PCDH15: variants seen among roughly 807,000 people sequenced by gnomAD.
The protein encoded by PCDH15 is protocadherin-15.
Under a neutral mutation model 178.5 loss-of-function variants are expected in PCDH15, and 129 were observed. The ratio of observed to expected loss-of-function variants is 0.72; its 90% CI spans 0.63 to 0.84. The LOEUF (loss-of-function observed/expected upper bound fraction) is 0.84, where lower values mean the gene tolerates loss of function less well. PCDH15 is among the 40% of genes least tolerant of loss of function. The probability of loss-of-function intolerance (pLI) is 0.00; values close to 1 mark genes in which losing one functional copy is unlikely to be tolerated. For synonymous variants in PCDH15, 800 were observed against 732.0 expected (o/e 1.09, Z -1.50); for missense variants, 2,230 against 2,099.9 (o/e 1.06, Z -1.21).
At chr10:55,191,736 C>T (rs1362794062) in intron 1 of PCDH15, among the ~76,000 whole-genome samples, 1 of 151,820 alleles carries the variant, frequency 6.6e-6, no homozygotes, top group Non-Finnish European at 1.5e-5. Flanking sequence ...CCAGCAAACC[C>T]AAGAAGTGAC....
intron 1 of PCDH15, among the ~76,000 whole-genome samples, chr10:55,315,717 A>G (rs1476879463): frequency 6.6e-6 from 1 of 152,136 alleles, no homozygotes. Flanking sequence ...CAAACTTTCT[A>G]TAGAAATACA....
At chr10:53,991,993 T>C (rs2091527191) in intron 21 of PCDH15, among the ~76,000 whole-genome samples, 2 of 152,114 alleles carry the variant, frequency 1.3e-5, no homozygotes, top group East Asian at 1.9e-4. Context: ...CGTTGTTCTT[T>C]TGCTCTTTGC....
At position 54,222,157 on chromosome 10, in the gene PCDH15, T is replaced by C. The variant is rs560316314; in HGVS notation, c.986-8109A>G. Reference sequence around the variant, plus strand: ...AATGAATCTATGCTTTCATTTATCTTGAGCAAATATCTAGGAGTGGAATGG... The same window carrying C: ...AATGAATCTATGCTTTCATTTATCTCGAGCAAATATCTAGGAGTGGAATGG... On this transcript the variant is annotated intron_variant, in intron 9 of 37. Transcript: ENST00000644397. Among the ~76,000 whole-genome samples the C allele has an allele frequency of 2.0e-5, 3 of 152,344 alleles. No homozygotes were observed. The East Asian group carries it at 5.8e-4, about 29-fold the overall frequency.
At chr10:55,327,194 G>A (rs1316001903) in intron 2 of PCDH15, among the ~76,000 whole-genome samples, 1 of 152,056 alleles carries the variant, frequency 6.6e-6, no homozygotes. Flanking sequence ...TCTGCCATGT[G>A]AGGATACATT....
chr10:54,492,203 G>T (rs1021803155), intron 3 of PCDH15, among the ~76,000 whole-genome samples: 1 of 152,126 alleles, frequency 6.6e-6, no homozygotes, highest in Non-Finnish European at 1.5e-5. Flanking sequence ...GAGGCAAGAC[G>T]TGTCAACCTG....
rs117498417 is a variant in PCDH15, at chr10:54,475,433, G to A, written c.157+52379C>T. Among the ~76,000 whole-genome samples the A allele has an allele frequency of 7.5e-3, 1,134 of 151,846 alleles. 6 individuals carry two copies. Among genetic ancestry groups the A allele is most frequent in the Non-Finnish European group, 0.012 (812 of 67,822 alleles). ...TTAATATCACTATTTATAAAATTCCGATTACAATTCTTACTTGCAAGATCC... is the reference window on the plus strand; with the variant it reads ...TTAATATCACTATTTATAAAATTCCAATTACAATTCTTACTTGCAAGATCC... On this transcript the variant is annotated intron_variant, in intron 3 of 37. Transcript: ENST00000644397.
At position 55,517,350 on chromosome 10, in the gene PCDH15, G is replaced by A. The variant is rs185272804; in HGVS notation, c.-156+110275C>T. ...GTCCTATTAGTTTTCAGTATTTTAG[G>A]ATCAAAAGGCACTTCTAATATATTT... is the stretch of plus-strand genomic sequence containing the variant. On this transcript the variant is annotated intron_variant, in intron 2 of 5. Transcript: ENST00000613346. Among the ~76,000 whole-genome samples the A allele has an allele frequency of 5.9e-4, 89 of 152,064 alleles. 1 individual carries two copies. The highest frequency in any genetic ancestry group is 1.9e-3 in the African/African-American group (79 of 41,506).
chr10:54,449,474 A>G (rs2076335374), intron 3 of PCDH15, among the ~76,000 whole-genome samples: 1 of 151,724 alleles, frequency 6.6e-6, no homozygotes, highest in Non-Finnish European at 1.5e-5. Context: ...CATGAGTTCA[A>G]TTAACAACTT....
chr10:55,585,769 A>ATG (rs760843304), intron 2 of PCDH15, among the ~76,000 whole-genome samples: 59 of 152,026 alleles, frequency 3.9e-4, no homozygotes, highest in Non-Finnish European at 7.1e-4. Flanking sequence ...GTGTATATAT[A>ATG]TGTGTGTGTG....
At chr10:55,544,139 C>CATACATATATATATAT (rs1200067998) in intron 2 of PCDH15, among the ~76,000 whole-genome samples, 14 of 54,310 alleles carry the variant, frequency 2.6e-4, no homozygotes, top group Non-Finnish European at 4.1e-4. Context: ...CTTATACATA[C>CATACATATATATATAT]ATATATATAT....
At chr10:55,323,976 A>C (rs752628358), upstream of PCDH15, among the ~76,000 whole-genome samples, 1 of 151,974 alleles carries the variant, frequency 6.6e-6, no homozygotes, top group African/African-American at 2.4e-5. Context: ...ATCATGGGGG[A>C]TGTTTCCCCC....
At chr10:53,830,244 G>A (rs2076939562) in intron 30 of PCDH15, among the ~76,000 whole-genome samples, 1 of 151,426 alleles carries the variant, frequency 6.6e-6, no homozygotes, top group Non-Finnish European at 1.5e-5. Context: ...AGAGGTTGCA[G>A]TGAGCTGAGA....
At chr10:54,754,626 T>C (rs572066433) in intron 1 of PCDH15, among the ~76,000 whole-genome samples, 4 of 152,254 alleles carry the variant, frequency 2.6e-5, no homozygotes, top group South Asian at 4.1e-4. Flanking sequence ...CATTTAATTA[T>C]TATCATTATT....
chr10:54,553,806 G>A (rs35020340), intron 2 of PCDH15, among the ~76,000 whole-genome samples: 24,872 of 151,498 alleles, frequency 0.16, 2,216 homozygotes, highest in Admixed American at 0.28. Flanking sequence ...ATCGAGGCTG[G>A]GATTAAAAAA....
chr10:54,677,806 C>G (rs554964232), intron 1 of PCDH15, among the ~76,000 whole-genome samples: 201 of 152,252 alleles, frequency 1.3e-3, no homozygotes, highest in African/African-American at 4.7e-3. Context: ...TATGTGCCAT[C>G]CAGACCATGT....
In PCDH15 at chr10:54,195,887, A is replaced by G. The variant is rs1183320677; in HGVS notation, c.1101T>C (p.Ala367=). The G allele has an allele frequency of 4.3e-6, 7 of 1,613,130 alleles. No homozygotes were observed. Among genetic ancestry groups the G allele is most frequent in the Non-Finnish European group, 5.1e-6 (6 of 1,179,158 alleles). ...FHQKFDLVIK[A]EQDNGHPLPA... is the part of the protein sequence containing the mutation. ...GAAGAGGATGACCATTGTCTTGTTC[A>G]GCCTAAAATTGAAAAGAAAAGAAAA... is the stretch of plus-strand genomic sequence containing the variant. The change falls in exon 11 of 38, where the codon GCT becomes GCC. Residue 367 remains alanine (A), a splice_region_variant and synonymous_variant. Coordinates refer to ENST00000644397, the MANE Select transcript of PCDH15 (RefSeq NM_001384140.1).
intron 2 of PCDH15, among the ~76,000 whole-genome samples, chr10:55,473,431 G>A (rs1840004642): frequency 6.6e-6 from 1 of 151,998 alleles, no homozygotes; most frequent in Non-Finnish European, 1.5e-5. Context: ...TACCTTGAAG[G>A]AAAAGTTGGA....
At chr10:54,735,288 A>G (rs1489924206) in intron 1 of PCDH15, among the ~76,000 whole-genome samples, 1 of 151,918 alleles carries the variant, frequency 6.6e-6, no homozygotes, top group Non-Finnish European at 1.5e-5. Flanking sequence ...TATTCTGTGT[A>G]TTTTCTGTGT....
chr10:54,753,409 C>T (rs1215642276), intron 1 of PCDH15, among the ~76,000 whole-genome samples: 1 of 152,028 alleles, frequency 6.6e-6, no homozygotes, highest in Non-Finnish European at 1.5e-5. Context: ...GTCTCGAACT[C>T]CTGACCTCAA....
Sources: gnomAD v4.1 joint callset for allele counts (sites outside exome capture counted in the v4.1 genomes callset) on GRCh38, gnomAD v4.1.1 for gene constraint, MANE v1.5 for transcripts, NCBI Gene and HGNC (gene_info 2026-07-23, HGNC 2026-07-21) for gene names.